The following CHCHD3 variants were observed in gnomAD, a reference collection of about 807,000 sequenced individuals.
The protein encoded by CHCHD3 is coiled-coil-helix-coiled-coil-helix domain containing 3.
Under a neutral mutation model 38.2 loss-of-function variants are expected in CHCHD3, and 20 were observed. That is an observed-to-expected ratio of 0.52 (90% CI 0.37 to 0.76). CHCHD3 has a LOEUF of 0.76. Ranked by LOEUF, CHCHD3 falls within the 30% of genes least tolerant of loss-of-function variation. CHCHD3 has a pLI of 0.00. For missense variants in CHCHD3, 245 were observed against 279.2 expected (o/e 0.88, Z 0.87); for synonymous variants, 82 against 100.0 (o/e 0.82, Z 1.07).
chr7:133,019,858 A>C (rs937246016), intron 3 of CHCHD3, among the ~76,000 whole-genome samples: 2 of 152,320 alleles, frequency 1.3e-5, no homozygotes, highest in South Asian at 4.1e-4. Context: ...TAGGGCACAG[A>C]GGAGAAGTAA....
chr7:132,911,678 T>C (rs1809955238), intron 4 of CHCHD3, among the ~76,000 whole-genome samples: 1 of 152,262 alleles, frequency 6.6e-6, no homozygotes, highest in African/African-American at 2.4e-5. Flanking sequence ...AAACCTTTGC[T>C]CTGCTCCCCA....
intron 4 of CHCHD3, among the ~76,000 whole-genome samples, chr7:132,887,377 T>C (rs1467682503): frequency 1.3e-5 from 2 of 151,352 alleles, no homozygotes; most frequent in Non-Finnish European, 3.0e-5. Flanking sequence ...CTAATATACA[T>C]GACTACATAA....
chr7:132,809,795 A>T (rs1192137755), intron 6 of CHCHD3, among the ~76,000 whole-genome samples: 3 of 152,214 alleles, frequency 2.0e-5, no homozygotes, highest in Non-Finnish European at 4.4e-5. Flanking sequence ...TTATAAAATC[A>T]TTCTCTGAAT....
intron 5 of CHCHD3, among the ~76,000 whole-genome samples, chr7:132,850,913 AT>A (rs746060375): frequency 1.3e-4 from 20 of 152,184 alleles, no homozygotes; most frequent in Non-Finnish European, 2.5e-4. Flanking sequence ...CTACCTTCAT[AT>A]TCAGTTCTTA....
At chr7:133,020,287 T>C (rs1039876016) in intron 3 of CHCHD3, among the ~76,000 whole-genome samples, 3 of 152,214 alleles carry the variant, frequency 2.0e-5, no homozygotes, top group Non-Finnish European at 4.4e-5. Context: ...GTATTGTCAC[T>C]GTGGCCTTAG....
At chr7:132,872,984 C>T (rs538568952) in intron 5 of CHCHD3, among the ~76,000 whole-genome samples, 4 of 151,898 alleles carry the variant, frequency 2.6e-5, no homozygotes, top group Non-Finnish European at 5.9e-5. Context: ...CCCAGCTACT[C>T]GGGAGGCTGA....
intron 4 of CHCHD3, among the ~76,000 whole-genome samples, chr7:132,935,131 CAGAAT>C (rs1810606626): frequency 1.3e-5 from 2 of 152,220 alleles, no homozygotes; most frequent in South Asian, 4.1e-4. Context: ...AATCCTGCCT[CAGAAT>C]CCAATCACTC....
intron 4 of CHCHD3, among the ~76,000 whole-genome samples, chr7:132,902,783 G>A (rs937350992): frequency 9.2e-5 from 14 of 151,980 alleles, no homozygotes; most frequent in African/African-American, 1.7e-4. Context: ...AAACCTACAC[G>A]TTGTGCACAT....
chr7:133,051,106 G>T (rs1272673905), intron 2 of CHCHD3, among the ~76,000 whole-genome samples: 2 of 152,172 alleles, frequency 1.3e-5, no homozygotes, highest in East Asian at 3.8e-4. Context: ...CAATGTTCTT[G>T]AAGAGTTCCT....
chr7:132,856,543 G>T lies in CHCHD3; in HGVS notation c.454-18074C>A, dbSNP rs531960492. ...ACACTCATAGACATTACAGGGCAAA[G>T]AAAAGTCTGCAATAACCACGCTGTG... On this transcript the variant is annotated intron_variant, in intron 5 of 7. Coordinates refer to ENST00000262570, the MANE Select transcript of CHCHD3 (RefSeq NM_017812.4). Among the ~76,000 whole-genome samples the T allele has an allele frequency of 8.5e-5, 13 of 152,310 alleles. No homozygotes were observed. The South Asian group carries it at 2.7e-3, about 32-fold the overall frequency.
intron 2 of CHCHD3, among the ~76,000 whole-genome samples, chr7:133,041,687 G>A (rs559417714): frequency 2.0e-5 from 3 of 152,160 alleles, no homozygotes; most frequent in Non-Finnish European, 4.4e-5. Context: ...TAAGCAGAAT[G>A]AAATGAAAGG....
intron 2 of CHCHD3, among the ~76,000 whole-genome samples, chr7:133,063,915 T>C (rs1814594701): frequency 6.6e-6 from 1 of 152,202 alleles, no homozygotes; most frequent in Non-Finnish European, 1.5e-5. Context: ...GATTACCTTC[T>C]ACTCTAACCC....
intron 1 of CHCHD3, among the ~76,000 whole-genome samples, chr7:133,074,045 A>C (rs1243628928): frequency 6.6e-6 from 1 of 152,064 alleles, no homozygotes; most frequent in African/African-American, 2.4e-5. Context: ...TGCCTACCTA[A>C]AGCTACCATT....
chr7:132,972,748 T>C, intron 4 of CHCHD3: 1 of 985,452 alleles, frequency 1.0e-6, no homozygotes, highest in Non-Finnish European at 1.2e-6. Flanking sequence ...CTAAGTGCTT[T>C]GAGGGCTCTA....
chr7:133,014,937 C>A (rs1227934407), intron 3 of CHCHD3, among the ~76,000 whole-genome samples: 1 of 152,174 alleles, frequency 6.6e-6, no homozygotes, highest in Admixed American at 6.5e-5. Context: ...TCCACATACT[C>A]CCCGCTGTAC....
At chr7:132,952,876 C>T (rs1384003049) in intron 4 of CHCHD3, among the ~76,000 whole-genome samples, 1 of 152,194 alleles carries the variant, frequency 6.6e-6, no homozygotes, top group Non-Finnish European at 1.5e-5. Context: ...CTGCACTTTT[C>T]AAAAGACCTT....
In CHCHD3 at chr7:132,911,990, C is replaced by A. The variant is rs115994280; in HGVS notation, c.370-26245G>T. On this transcript the variant is annotated intron_variant, in intron 4 of 7. Transcript: ENST00000262570. ...AGTTTTCCATCTTTAGGTTCCCTTA[C>A]CTTTGCAAACACAACAAACGTGAAT... 3.9e-3 allele frequency among the ~76,000 whole-genome samples: 592 copies of A among 152,302 alleles called. 3 individuals are homozygous for A. The highest frequency in any genetic ancestry group is 0.014 in the African/African-American group (569 of 41,568).
At chr7:132,947,938 CATAAA>C in intron 4 of CHCHD3, among the ~76,000 whole-genome samples, 1 of 151,920 alleles carries the variant, frequency 6.6e-6, no homozygotes, top group East Asian at 1.9e-4. Context: ...GGATTATCAA[CATAAA>C]ATAAAAGTGT....
intron 2 of CHCHD3, among the ~76,000 whole-genome samples, chr7:133,055,193 T>C (rs1258336513): frequency 6.7e-6 from 1 of 149,734 alleles, no homozygotes; most frequent in African/African-American, 2.4e-5. Flanking sequence ...TCTTAATATA[T>C]AATGATATGT....
Sources: gnomAD v4.1 joint callset for allele counts (sites outside exome capture counted in the v4.1 genomes callset) on GRCh38, gnomAD v4.1.1 for gene constraint, MANE v1.5 for transcripts, NCBI Gene and HGNC (gene_info 2026-07-23, HGNC 2026-07-21) for gene names.